C3orf20: variants seen among roughly 807,000 people sequenced by gnomAD.
The protein encoded by C3orf20 is family with sequence similarity 149 member C, also known as uncharacterized protein C3orf20.
A neutral mutation model predicts 88.3 loss-of-function variants in C3orf20; 76 were observed. The ratio of observed to expected loss-of-function variants is 0.86; its 90% CI spans 0.72 to 1.04. The LOEUF (loss-of-function observed/expected upper bound fraction) is 1.04. Among genes scored for constraint, C3orf20 ranks in the 50% least tolerant of loss-of-function variants. The pLI, the probability that C3orf20 is intolerant of heterozygous loss-of-function variation, is 0.00. For missense variants in C3orf20, 1,056 were observed against 1,123.3 expected, an observed-to-expected ratio of 0.94 and a Z score of 0.86; for synonymous variants, 436 against 437.4, an observed-to-expected ratio of 1.00 and a Z score of 0.04.
intron 12 of C3orf20, among the ~76,000 whole-genome samples, chr3:14,745,759 T>C (rs1470981633): frequency 6.6e-6 from 1 of 152,222 alleles, no homozygotes; most frequent in African/African-American, 2.4e-5. Flanking sequence ...CTTAGTATAG[T>C]TTTAATTTGT....
intron 15 of C3orf20, among the ~76,000 whole-genome samples, chr3:14,765,914 T>A (rs1333534979): frequency 2.0e-5 from 3 of 152,202 alleles, no homozygotes; most frequent in Admixed American, 6.5e-5. Context: ...GGGGGCCTCA[T>A]GAGCTCCAGC....
In C3orf20 at chr3:14,772,523, A is replaced by G. The variant is rs943188040; in HGVS notation, c.2631-268A>G. Among the ~76,000 whole-genome samples the G allele has an allele frequency of 3.3e-5, 5 of 152,260 alleles. No homozygotes were observed. Among genetic ancestry groups the G allele is most frequent in the African/African-American group, 1.2e-4 (5 of 41,476 alleles). ...AAACTTGCTGCACCTGTTAAAGGCCACTTACTTGCTGGTGCTGGTAACCAT... is the reference window on the plus strand; with the variant it reads ...AAACTTGCTGCACCTGTTAAAGGCCGCTTACTTGCTGGTGCTGGTAACCAT... On this transcript the variant is annotated intron_variant, in intron 16 of 16. Coordinates refer to ENST00000253697, the MANE Select transcript of C3orf20 (RefSeq NM_032137.5). This position sits in a 1 kb window ranked among gnomAD's most constrained non-coding sequence, Gnocchi z 4.2.
At chr3:14,721,439 A>G (rs555645691) in intron 9 of C3orf20, among the ~76,000 whole-genome samples, 1 of 152,368 alleles carries the variant, frequency 6.6e-6, no homozygotes, top group African/African-American at 2.4e-5. Flanking sequence ...GAGTAGGAAT[A>G]AGGAAGCATC....
rs755732675 is a variant in C3orf20, at chr3:14,682,769, C to A, written c.56C>A (p.Pro19His). 2.0e-5 allele frequency: 33 copies of A among 1,614,024 alleles called. No individual in the cohort carries two copies. The South Asian group carries it at 3.3e-4, about 16-fold the overall frequency. The change falls in exon 3 of 17, where the codon CCC becomes CAC. Residue 19 changes from proline (P) to histidine (H), a missense_variant. Physicochemically the swap from Pro to His is moderately conservative, Grantham distance 77 (BLOSUM62 -2). Transcript: ENST00000253697. Reference protein sequence around the residue: ...ELYQQYTAMAPKLLARISKLL... With the variant: ...ELYQQYTAMAHKLLARISKLL... ...TATCAGCAATACACAGCCATGGCCCCCAAGCTACTGGCCCGCATCTCCAAA... is the reference window on the plus strand; with the variant it reads ...TATCAGCAATACACAGCCATGGCCCACAAGCTACTGGCCCGCATCTCCAAA...
At chr3:14,707,874 C>A (rs2033585253) in intron 7 of C3orf20, among the ~76,000 whole-genome samples, 1 of 128,310 alleles carries the variant, frequency 7.8e-6, no homozygotes, top group African/African-American at 3.0e-5. Context: ...GGCTGGAGTA[C>A]AATGACGTGA....
At chr3:14,749,205 A>C (rs1476435346) in intron 12 of C3orf20, among the ~76,000 whole-genome samples, 1 of 152,070 alleles carries the variant, frequency 6.6e-6, no homozygotes, top group Non-Finnish European at 1.5e-5. Context: ...TAATGTCCTC[A>C]TTTGTCTCCC....
chr3:14,722,399 G>A (rs534554710), intron 10 of C3orf20: 1 of 445,800 alleles, frequency 2.2e-6, no homozygotes. Flanking sequence ...CATCCTGGGG[G>A]CCAATGTGTC....
At chr3:14,691,823 A>C (rs1057291968) in intron 5 of C3orf20, among the ~76,000 whole-genome samples, 5 of 152,220 alleles carry the variant, frequency 3.3e-5, no homozygotes, top group African/African-American at 1.2e-4. Context: ...GACTGTAATC[A>C]CCCTGTGTGC....
chr3:14,756,755 G>T (rs1480978893), intron 12 of C3orf20, among the ~76,000 whole-genome samples: 2 of 152,230 alleles, frequency 1.3e-5, no homozygotes, highest in Non-Finnish European at 2.9e-5. Flanking sequence ...GAGATGTAAG[G>T]AGGATGAAAT....
intron 12 of C3orf20, among the ~76,000 whole-genome samples, chr3:14,732,914 A>G (rs765439672): frequency 2.6e-5 from 4 of 152,212 alleles, no homozygotes; most frequent in Non-Finnish European, 4.4e-5. Context: ...TTTGTTTTAC[A>G]TATGGATAGC....
At chr3:14,683,416 G>A (rs12487541) in intron 3 of C3orf20, among the ~76,000 whole-genome samples, 69,220 of 151,894 alleles carry the variant, frequency 0.46, 16,849 homozygotes, top group South Asian at 0.66. Flanking sequence ...TTAGTAATAG[G>A]AATGTGCGAG....
intron 12 of C3orf20, among the ~76,000 whole-genome samples, chr3:14,751,495 A>T (rs1405661734): frequency 6.6e-6 from 1 of 152,220 alleles, no homozygotes; most frequent in East Asian, 1.9e-4. Context: ...GAATGGTAAG[A>T]AAAAGAAATA....
intron 8 of C3orf20, 77 bp downstream of exon 8, chr3:14,714,236 C>G (rs768585324): frequency 2.5e-5 from 37 of 1,507,684 alleles, no homozygotes; most frequent in Non-Finnish European, 3.3e-5. Flanking sequence ...GTGGTGACTA[C>G]GAGTCCCTGG....
Position 14,690,123 on chromosome 3 carries a change from A to G in C3orf20, c.745+7A>G, listed in dbSNP as rs1023440385. ...GAAGCCAAGAAGAAAATAGGTAAAA[A>G]TGGTTCCTCGTGGCCTACCATTCAT... On this transcript the variant is annotated splice_region_variant and intron_variant, in intron 5 of 16. Transcript: ENST00000253697. 3.1e-6 allele frequency: 5 copies of G among 1,613,410 alleles called. No individual in the cohort carries two copies. The Admixed American group carries it at 5.0e-5, about 16-fold the overall frequency.
At chr3:14,693,849 T>C (rs189776835) in intron 5 of C3orf20, among the ~76,000 whole-genome samples, 7 of 152,344 alleles carry the variant, frequency 4.6e-5, no homozygotes, top group Non-Finnish European at 8.8e-5. Context: ...GCTTTTACTA[T>C]GTTAAAGCAT....
rs549346534 is a variant in C3orf20 at position 14,724,878 on chromosome 3, A to G, written c.1567-2023A>G. ...TTATCAAGGCATGGTTTGGCAGTGC[A>G]GTAGAAGACTGAGAGGTTATTTAAA... On this transcript the variant is annotated intron_variant, in intron 10 of 16. Transcript: ENST00000253697. Among the ~76,000 whole-genome samples the G allele has an allele frequency of 4.9e-4, 75 of 152,342 alleles. 1 individual carries two copies. The highest frequency in any genetic ancestry group is 1.4e-3 in the African/African-American group (57 of 41,586).
intron 12 of C3orf20, among the ~76,000 whole-genome samples, chr3:14,742,014 T>C (rs1237514074): frequency 6.6e-6 from 1 of 152,224 alleles, no homozygotes; most frequent in Non-Finnish European, 1.5e-5. Context: ...TTCTACCTCG[T>C]CCCTGCTTTA....
rs368674849 is a variant in C3orf20 at position 14,761,632 on chromosome 3, G to A, written c.2495+17G>A. ...CAAATTCAGGTAAAACAGGAAACAC[G>A]CAGGATGAGGGATGGGCCTGGGGAG... On this transcript the variant is annotated intron_variant, in intron 15 of 16. Coordinates refer to ENST00000253697, the MANE Select transcript of C3orf20 (RefSeq NM_032137.5). The A allele has an allele frequency of 3.2e-5, 51 of 1,613,502 alleles. No homozygotes were observed. The highest frequency in any genetic ancestry group is 4.0e-5 in the African/African-American group (3 of 74,842).
chr3:14,697,606 G>T (rs552693555), intron 5 of C3orf20, among the ~76,000 whole-genome samples: 9 of 151,784 alleles, frequency 5.9e-5, no homozygotes, highest in Admixed American at 5.9e-4. Context: ...CAATGTGCAG[G>T]TTTGATACAT....
Sources: gnomAD v4.1 joint callset for allele counts (sites outside exome capture counted in the v4.1 genomes callset) on GRCh38, gnomAD v4.1.1 for gene constraint, Gnocchi (gnomAD v3.1) non-coding constraint, MANE v1.5 for transcripts, NCBI Gene and HGNC (gene_info 2026-07-23, HGNC 2026-07-21) for gene names.